Variants in LUC7L observed in about 807,000 individuals in gnomAD.
LUC7L encodes LUC7 like.
Under a neutral mutation model 51.1 loss-of-function variants are expected in LUC7L, and 29 were observed. The ratio of observed to expected loss-of-function variants is 0.57; its 90% confidence interval spans 0.42 to 0.77. The LOEUF (loss-of-function observed/expected upper bound fraction) is 0.77, where lower values mean the gene tolerates loss of function less well. Ranked by LOEUF, LUC7L falls within the 30% of genes least tolerant of loss-of-function variation. The pLI, the probability that LUC7L is intolerant of heterozygous loss-of-function variation, is 0.00. For synonymous variants in LUC7L, 181 were observed against 180.7 expected, an observed-to-expected ratio of 1.00 and a Z score of -0.01; for missense variants, 403 against 511.9, an observed-to-expected ratio of 0.79 and a Z score of 2.05.
At chr16:219,500 G>A (rs2049905215) in intron 3 of LUC7L, among the ~76,000 whole-genome samples, 1 of 152,136 alleles carries the variant, frequency 6.6e-6, no homozygotes, top group Non-Finnish European at 1.5e-5. Flanking sequence ...AGGATCACCT[G>A]AGCCCAGCAA....
rs570056949 is a variant in LUC7L at position 193,153 on chromosome 16, C to T, written c.688-138G>A. 24 of 672,762 alleles carry T rather than the reference C, an allele frequency of 3.6e-5. No individual in the cohort carries two copies. The East Asian group carries it at 5.2e-4, about 15-fold the overall frequency. The allele number at this position is 672,762 out of a possible 1,614,324, so 41.7% of individuals were successfully genotyped here. ...GGGACACTTTTAGGAAATGGGAATA[C>T]TTTTTTTTTTCTCTTTGAAACGGTG... On this transcript the variant is annotated intron_variant, in intron 6 of 9. Coordinates refer to ENST00000293872, the MANE Select transcript of LUC7L (RefSeq NM_201412.3).
intron 6 of LUC7L, among the ~76,000 whole-genome samples, chr16:195,381 T>C (rs1217297445): frequency 1.3e-5 from 2 of 151,540 alleles, no homozygotes; most frequent in Non-Finnish European, 2.9e-5. Context: ...AGCTATCAGC[T>C]ACCATCACAT....
chr16:200,416 G>GAAAAA (rs577587041), intron 5 of LUC7L, among the ~76,000 whole-genome samples: 1 of 119,114 alleles, frequency 8.4e-6, no homozygotes, highest in Non-Finnish European at 1.7e-5. Flanking sequence ...CGTCTCAAAA[G>GAAAAA]AAAAAAAAAA....
intron 4 of LUC7L, among the ~76,000 whole-genome samples, chr16:206,508 C>T (rs2049487780): frequency 6.6e-6 from 1 of 152,154 alleles, no homozygotes; most frequent in Non-Finnish European, 1.5e-5. Context: ...CTAGGATTTA[C>T]CTTCTGAAAC....
At chr16:213,600 T>A (rs1298880100) in intron 3 of LUC7L, among the ~76,000 whole-genome samples, 2 of 152,108 alleles carry the variant, frequency 1.3e-5, no homozygotes, top group Non-Finnish European at 2.9e-5. Context: ...AGACAGGTTA[T>A]CACCATGTTG....
At position 199,921 on chromosome 16, in the gene LUC7L, C is replaced by T. The variant is rs183226668; in HGVS notation, c.511-683G>A. ...AGGAGAATCACTTGAACCTGGGAAG[C>T]GGAGGTTGCAGTGAGCCAAAACCGT... On this transcript the variant is annotated intron_variant, in intron 5 of 9. Transcript: ENST00000293872. Among the ~76,000 whole-genome samples, 376 of 151,252 alleles carry T rather than the reference C, an allele frequency of 2.5e-3. 3 individuals carry two copies. Among genetic ancestry groups the T allele is most frequent in the African/African-American group, 8.5e-3 (350 of 41,214 alleles).
rs1176768130 is a variant in LUC7L, at chr16:203,830, C to T, written c.510+2174G>A. On this transcript the variant is annotated intron_variant, in intron 5 of 9. Coordinates refer to ENST00000293872, the MANE Select transcript of LUC7L (RefSeq NM_201412.3). ...AGGAGATAGAGGCCATCCTGGCTAACACGGTTAAATCATATCTCTACTAAA... is the reference window on the plus strand; with the variant it reads ...AGGAGATAGAGGCCATCCTGGCTAATACGGTTAAATCATATCTCTACTAAA... Among the ~76,000 whole-genome samples, 3 of 151,844 alleles carry T rather than the reference C, an allele frequency of 2.0e-5. No homozygotes were observed. In the East Asian group the frequency reaches 5.9e-4, roughly 30 times the overall value.
intron 2 of LUC7L, among the ~76,000 whole-genome samples, chr16:225,938 C>G (rs1282017797): frequency 1.3e-5 from 2 of 152,208 alleles, no homozygotes; most frequent in Admixed American, 1.3e-4. Context: ...GCACATCTAT[C>G]TGCTCCCTCT....
At chr16:227,933 A>G (rs1372567981) in intron 1 of LUC7L, 14 of 1,003,846 alleles carry the variant, frequency 1.4e-5, no homozygotes, top group Non-Finnish European at 1.5e-5. Context: ...CAAAAAAAGC[A>G]AAAAAGGAAC....
At chr16:190,618 A>G (rs2048986874) in intron 7 of LUC7L, 48 bp from the exon 8 acceptor site, 2 of 1,581,946 alleles carry the variant, frequency 1.3e-6, no homozygotes, top group Non-Finnish European at 1.7e-6. Flanking sequence ...GGTGGCTCAC[A>G]CCTGTAATCC....
chr16:229,158 A>G, intron 1 of LUC7L, 121 bp downstream of exon 1: 3 of 1,439,022 alleles, frequency 2.1e-6, no homozygotes, highest in Non-Finnish European at 2.7e-6. Flanking sequence ...AGCGCGGGGG[A>G]GGAGGAGCGA....
intron 2 of LUC7L, among the ~76,000 whole-genome samples, chr16:223,411 A>G (rs2050032478): frequency 6.6e-6 from 1 of 152,144 alleles, no homozygotes; most frequent in South Asian, 2.1e-4. Flanking sequence ...ACTCACTAAC[A>G]AAACATCCTT....
At chr16:228,524 T>G in intron 1 of LUC7L, 1 of 1,215,668 alleles carries the variant, frequency 8.2e-7, no homozygotes, top group Non-Finnish European at 1.1e-6. Flanking sequence ...ACCTATGAAA[T>G]AAAGTGCAAA....
chr16:199,262 A>G (rs771275147), intron 5 of LUC7L, 24 bp from the exon 6 acceptor site: 9 of 1,552,938 alleles, frequency 5.8e-6, no homozygotes, highest in Non-Finnish European at 7.1e-6. Flanking sequence ...ATGGAGAAAT[A>G]AAAGTGAGGT....
At chr16:209,987 A>G (rs1423694199) in intron 3 of LUC7L, among the ~76,000 whole-genome samples, 1 of 152,144 alleles carries the variant, frequency 6.6e-6, no homozygotes, top group Non-Finnish European at 1.5e-5. Context: ...ATAATTTTGG[A>G]ATTCAAAAAC....
chr16:218,170 GCAA>G (rs1183841917), intron 3 of LUC7L, among the ~76,000 whole-genome samples: 1 of 151,844 alleles, frequency 6.6e-6, no homozygotes, highest in Non-Finnish European at 1.5e-5. Flanking sequence ...TCCAGCCGAG[GCAA>G]CAACAGTGAC....
chr16:199,072 T>C lies in LUC7L; in HGVS notation c.677A>G (p.Asp226Gly), dbSNP rs2049245612. The C allele has an allele frequency of 1.2e-6, 2 of 1,608,754 alleles. No homozygotes were observed. Among genetic ancestry groups the C allele is most frequent in the African/African-American group, 2.7e-5 (2 of 74,864 alleles). Residue 226 changes from aspartate (D) to glycine (G), a missense_variant, in exon 6 of 10, where the codon GAT (aspartate) becomes GGT (glycine). This residue lies in a region of LUC7L where 15 missense variants were observed against 45.2 expected (regional missense o/e 0.33). Transcript: ENST00000293872. ...AACAGATGAACATACCCTCAACTGA[T>C]CAAGCTTCTCTCGGATCTGAATGAA... ...LGFIQIREKLDQLRKTVAEKQ... is the reference protein window; with the variant it reads ...LGFIQIREKLGQLRKTVAEKQ...
At chr16:226,436 T>C (rs1003661891) in intron 2 of LUC7L, among the ~76,000 whole-genome samples, 4 of 152,222 alleles carry the variant, frequency 2.6e-5, no homozygotes, top group Non-Finnish European at 2.9e-5. Flanking sequence ...AAATTCTTAC[T>C]TCGAATAAAT....
At chr16:224,306 G>C (rs1208886798) in intron 2 of LUC7L, among the ~76,000 whole-genome samples, 8 of 151,090 alleles carry the variant, frequency 5.3e-5, no homozygotes, top group Non-Finnish European at 1.0e-4. Context: ...ATCACCTTAG[G>C]TCAGAAGTTC....
Sources: gnomAD v4.1 joint callset for allele counts (sites outside exome capture counted in the v4.1 genomes callset) on GRCh38, gnomAD v4.1.1 for gene constraint, gnomAD v4.1.1 regional missense constraint, MANE v1.5 for transcripts, NCBI Gene and HGNC (gene_info 2026-07-23, HGNC 2026-07-21) for gene names.